The following SPTA1 variants were observed in gnomAD, a reference collection of about 807,000 sequenced individuals.
SPTA1 encodes spectrin alpha, erythrocytic 1, also known as spectrin alpha chain, erythrocytic 1.
A neutral mutation model predicts 324.7 loss-of-function variants in SPTA1; 177 were observed. The observed-to-expected ratio is 0.55, with a 90% CI of 0.48 to 0.62. The LOEUF (loss-of-function observed/expected upper bound fraction) is 0.62, where lower values mean the gene tolerates loss of function less well. SPTA1 is among the 20% of genes least tolerant of loss of function. SPTA1 has a pLI of 0.00. For missense variants in SPTA1, 3,162 were observed against 2,883.6 expected (o/e 1.10, Z -2.21); for synonymous variants, 1,195 against 1,041.3 (o/e 1.15, Z -2.84).
intron 27 of SPTA1, among the ~76,000 whole-genome samples, chr1:158,645,809 T>C (rs1358455974): frequency 6.6e-6 from 1 of 152,236 alleles, no homozygotes; most frequent in African/African-American, 2.4e-5. Context: ...TTTATTATCT[T>C]TTTCAATTCT....
At chr1:158,644,435 T>C (rs1297743388) in intron 29 of SPTA1, 39 bp from the exon 30 acceptor site, 2 of 1,612,672 alleles carry the variant, frequency 1.2e-6, no homozygotes, top group Non-Finnish European at 8.5e-7. Flanking sequence ...GTATAGTCCA[T>C]GTGGTGTGGA....
At chr1:158,682,097 G>A (rs1422862610) in intron 3 of SPTA1, among the ~76,000 whole-genome samples, 1 of 152,150 alleles carries the variant, frequency 6.6e-6, no homozygotes, top group Non-Finnish European at 1.5e-5. Context: ...GAAAGTGTGA[G>A]AGCTATAATT....
chr1:158,650,465 G>C (rs1291574288), intron 24 of SPTA1, among the ~76,000 whole-genome samples: 2 of 152,140 alleles, frequency 1.3e-5, no homozygotes, highest in African/African-American at 4.8e-5. Flanking sequence ...GAACTAGACT[G>C]AACATTTATT....
chr1:158,621,083 C>G (rs977321489), intron 43 of SPTA1, among the ~76,000 whole-genome samples: 1 of 152,152 alleles, frequency 6.6e-6, no homozygotes, highest in African/African-American at 2.4e-5. Flanking sequence ...TACCCTCTAA[C>G]CTGTATCCTT....
At chr1:158,619,958 C>T (rs1226269449) in intron 44 of SPTA1, among the ~76,000 whole-genome samples, 2 of 152,236 alleles carry the variant, frequency 1.3e-5, no homozygotes, top group East Asian at 3.9e-4. Flanking sequence ...TTGTTCAATA[C>T]TCAAAAACAG....
intron 48 of SPTA1, 118 bp downstream of exon 48, chr1:158,615,098 A>C (rs1649473321): frequency 8.9e-7 from 1 of 1,124,042 alleles, no homozygotes; most frequent in Admixed American, 1.8e-5. Flanking sequence ...AAGACCCAGA[A>C]TATTGGTTCT....
intron 12 of SPTA1, among the ~76,000 whole-genome samples, chr1:158,670,782 G>A (rs1225433891): frequency 6.6e-6 from 1 of 151,702 alleles, no homozygotes; most frequent in Non-Finnish European, 1.5e-5. Context: ...ATACTATAAA[G>A]GAAAAATATG....
chr1:158,617,944 A>G, intron 46 of SPTA1, 95 bp downstream of exon 46: 1 of 1,196,904 alleles, frequency 8.4e-7, no homozygotes, highest in African/African-American at 1.5e-5. Context: ...ACCAGATTAC[A>G]ATGGAATGAA....
chr1:158,674,309 A>G lies in SPTA1; in HGVS notation c.1350+20T>C. 1 of 1,609,152 alleles carries G rather than the reference A, an allele frequency of 6.2e-7. No homozygotes were observed. The highest frequency in any genetic ancestry group is 8.5e-7 in the Non-Finnish European group (1 of 1,175,672). ...TACATATATAATTGGAATTTGACAAACTCTGTTAAACTAGATTACCTTTTC... is the reference window on the plus strand; with the variant it reads ...TACATATATAATTGGAATTTGACAAGCTCTGTTAAACTAGATTACCTTTTC... On this transcript the variant is annotated intron_variant, in intron 10 of 51. Transcript: ENST00000643759.
At chr1:158,615,460 C>CT in intron 47 of SPTA1, 57 bp from the exon 48 acceptor site, 2 of 1,561,594 alleles carry the variant, frequency 1.3e-6, no homozygotes, top group Non-Finnish European at 1.8e-6. Flanking sequence ...AGCTCAAAAC[C>CT]TAGAGGTGGA....
At chr1:158,624,577 A>G (rs1262766097) in intron 42 of SPTA1, among the ~76,000 whole-genome samples, 1 of 152,164 alleles carries the variant, frequency 6.6e-6, no homozygotes, top group Non-Finnish European at 1.5e-5. Flanking sequence ...CTGTACTCTC[A>G]TTGTATTTAG....
At position 158,653,286 on chromosome 1, in the gene SPTA1, T is replaced by C; in HGVS notation, c.3176A>G (p.Gln1059Arg). 6.2e-7 allele frequency: 1 copy of C among 1,614,166 alleles called. No individual in the cohort carries two copies. The highest frequency in any genetic ancestry group is 8.5e-7 in the Non-Finnish European group (1 of 1,180,018). ...CTCCAGAACTTACTGGTTCTCAATC[T>C]GCTCCTGGCGCTGGGTGATGTTTCC... ...EPGNITQRQE[Q>R]IENQYRSLLD... Residue 1059 changes from glutamine to arginine, a missense_variant, in exon 22 of 52, where the codon CAG (glutamine) becomes CGG (arginine). Coordinates refer to ENST00000643759, the MANE Select transcript of SPTA1 (RefSeq NM_003126.4).
intron 41 of SPTA1, 130 bp from the exon 42 acceptor site, chr1:158,626,352 T>C: frequency 2.3e-6 from 2 of 885,646 alleles, no homozygotes; most frequent in Non-Finnish European, 3.6e-6. Context: ...TTAATTGGAA[T>C]ATGTGAGCAG....
chr1:158,628,724 A>G (rs553330327), intron 39 of SPTA1, among the ~76,000 whole-genome samples: 1 of 152,278 alleles, frequency 6.6e-6, no homozygotes, highest in East Asian at 1.9e-4. Flanking sequence ...CTATTTTCAA[A>G]TAATAAATTC....
intron 33 of SPTA1, 97 bp downstream of exon 33, chr1:158,642,314 A>G: frequency 7.6e-7 from 1 of 1,315,762 alleles, no homozygotes; most frequent in Non-Finnish European, 1.0e-6. Context: ...TATAATAATA[A>G]TAAAATTAAA....
chr1:158,667,679 T>C (rs1347712610), intron 15 of SPTA1, among the ~76,000 whole-genome samples, 179 bp downstream of exon 15: 2 of 152,108 alleles, frequency 1.3e-5, no homozygotes, highest in African/African-American at 2.4e-5. Context: ...TGTTAATATA[T>C]AGTGTTATAA....
chr1:158,665,597 C>A (rs916052172), intron 16 of SPTA1, among the ~76,000 whole-genome samples: 4 of 152,126 alleles, frequency 2.6e-5, no homozygotes, highest in African/African-American at 9.7e-5. Flanking sequence ...GGAATAAATT[C>A]ATTTTAAATA....
At chr1:158,680,522 A>C (rs1654726482) in intron 5 of SPTA1, 61 bp downstream of exon 5, 2 of 1,610,194 alleles carry the variant, frequency 1.2e-6, no homozygotes, top group Non-Finnish European at 1.7e-6. Context: ...ACTAATGGCC[A>C]GAAGTTATTC....
intron 46 of SPTA1, 108 bp downstream of exon 46, chr1:158,617,931 A>C: frequency 2.8e-6 from 3 of 1,066,020 alleles, no homozygotes; most frequent in Non-Finnish European, 4.3e-6. Context: ...TTATTTACAT[A>C]CTACCAGATT....
Sources: gnomAD v4.1 joint callset for allele counts (sites outside exome capture counted in the v4.1 genomes callset) on GRCh38, gnomAD v4.1.1 for gene constraint, MANE v1.5 for transcripts, NCBI Gene and HGNC (gene_info 2026-07-23, HGNC 2026-07-21) for gene names.